Variants in ADD1 observed in about 807,000 individuals in gnomAD.
The protein encoded by ADD1 is alpha-adducin.
Under a neutral mutation model 80.5 loss-of-function variants are expected in ADD1, and 24 were observed. The ratio of observed to expected loss-of-function variants is 0.30; its 90% confidence interval spans 0.22 to 0.42. ADD1 has a LOEUF of 0.42. ADD1 is among the 10% of genes least tolerant of loss of function. The pLI is 1.00. For synonymous variants in ADD1, 373 were observed against 393.8 expected, an observed-to-expected ratio of 0.95 and a Z score of 0.63; for missense variants, 948 against 1,019.0, an observed-to-expected ratio of 0.93 and a Z score of 0.95.
At chr4:2,885,830 T>C (rs905369751) in intron 4 of ADD1, among the ~76,000 whole-genome samples, 4 of 152,100 alleles carry the variant, frequency 2.6e-5, no homozygotes, top group Non-Finnish European at 5.9e-5. Flanking sequence ...CAGGATGGTC[T>C]CGATCTCCTG....
rs1734754464 is a variant in ADD1 at position 2,894,087 on chromosome 4, C to T, written c.585C>T (p.Ser195=). The T allele has an allele frequency of 1.9e-6, 3 of 1,613,368 alleles. No individual in the cohort carries two copies. Among genetic ancestry groups the T allele is most frequent in the Admixed American group, 1.7e-5 (1 of 59,994 alleles). Residue 195 remains serine, a synonymous_variant, in exon 5 of 16, where the codon TCC becomes TCT. Coordinates refer to ENST00000683351, the MANE Select transcript of ADD1 (RefSeq NM_001354761.2). ...TTCTTTACAGTGAAGTGACTGCATC[C>T]AGTTTGGTAAGAATGTCCTTCTCTT... The part of the protein sequence containing the change: ...FGLLYSEVTA[S]SLVKINLQGD...
chr4:2,884,729 C>G lies in ADD1; in HGVS notation c.510+63C>G, dbSNP rs1732966434. 7 of 1,485,942 alleles carry G rather than the reference C, an allele frequency of 4.7e-6. No individual in the cohort carries two copies. In the South Asian group the frequency reaches 8.3e-5, roughly 18 times the overall value. 92.0% of individuals were successfully genotyped at this position (1,485,942 alleles called of 1,614,324 possible). A position where few individuals can be genotyped will look rare whatever the true frequency, so the allele number is the denominator to read the frequency against. ...AAATATTTTGTGTCTGGCACCACCT[C>G]TTTCCATTTAGGAGAAGAGGGAAGC... is the stretch of plus-strand genomic sequence containing the variant. On this transcript the variant is annotated intron_variant, in intron 4 of 15. Coordinates refer to ENST00000683351, the MANE Select transcript of ADD1 (RefSeq NM_001354761.2).
At chr4:2,885,812 G>C (rs9761159) in intron 4 of ADD1, among the ~76,000 whole-genome samples, 2 of 150,526 alleles carry the variant, frequency 1.3e-5, no homozygotes, top group Non-Finnish European at 3.0e-5. Flanking sequence ...GGGTTTCACC[G>C]TGTTAGCCAG....
intron 1 of ADD1, among the ~76,000 whole-genome samples, chr4:2,871,230 C>G (rs1018268311): frequency 1.3e-5 from 2 of 152,098 alleles, no homozygotes; most frequent in African/African-American, 4.8e-5. Context: ...CTCGGCCTCC[C>G]AAAGTGCTGT....
chr4:2,926,548 CCCTG>C lies in ADD1; in HGVS notation c.2047+440_2047+443del, dbSNP rs895543552. Reference sequence around the variant, plus strand: ...TCCATGTCTCTCGTGAAGCCCGTGGCCCTGCCTTTCTTCTTCTGTAACCTGATGG... The same window carrying C: ...TCCATGTCTCTCGTGAAGCCCGTGGCCCTTTCTTCTTCTGTAACCTGATGG... On this transcript the variant is annotated intron_variant, in intron 15 of 15. Coordinates refer to ENST00000683351, the MANE Select transcript of ADD1 (RefSeq NM_001354761.2). The surrounding 1 kb of genome is among the most constrained non-coding windows in gnomAD (Gnocchi z 5.0). The C allele has an allele frequency of 3.8e-5, 53 of 1,393,352 alleles. No individual in the cohort carries two copies. The highest frequency in any genetic ancestry group is 5.1e-5 in the Non-Finnish European group (51 of 995,962). The allele number at this position is 1,393,352 out of a possible 1,614,324, so 86.3% of individuals were successfully genotyped here.
chr4:2,899,548 C>A, intron 9 of ADD1, 113 bp downstream of exon 9: 1 of 1,168,368 alleles, frequency 8.6e-7, no homozygotes, highest in Non-Finnish European at 1.3e-6. Context: ...AATACCTTCA[C>A]CTTCAAAGTC....
chr4:2,875,908 A>T lies in ADD1; in HGVS notation c.-8A>T. On this transcript the variant is annotated 5_prime_UTR_variant, in exon 2 of 16. Transcript: ENST00000683351. ...TTTGATTCTGTAGGAACCTAGAAAGATTGTACAATGAATGGTGATTCTCGT... is the reference window on the plus strand; with the variant it reads ...TTTGATTCTGTAGGAACCTAGAAAGTTTGTACAATGAATGGTGATTCTCGT... The T allele has an allele frequency of 6.3e-7, 1 of 1,581,534 alleles. No homozygotes were observed. Among genetic ancestry groups the T allele is most frequent in the East Asian group, 2.3e-5 (1 of 44,434 alleles).
chr4:2,894,470 C>T (rs188867860), intron 5 of ADD1, 112 bp from the exon 6 acceptor site: 18 of 942,778 alleles, frequency 1.9e-5, no homozygotes, highest in East Asian at 2.8e-5. Context: ...GAGGTCGCAC[C>T]ACTGCACTCC....
intron 4 of ADD1, among the ~76,000 whole-genome samples, chr4:2,891,660 A>T (rs1245430303): frequency 1.3e-5 from 2 of 152,128 alleles, no homozygotes; most frequent in African/African-American, 2.4e-5. Context: ...TGCGAGCTTT[A>T]TTGTAGACAC....
intron 1 of ADD1, among the ~76,000 whole-genome samples, chr4:2,869,458 C>G (rs1321117858): frequency 5.3e-5 from 8 of 152,180 alleles, no homozygotes; most frequent in Admixed American, 5.2e-4. Flanking sequence ...TTAGGTCTGC[C>G]TTGTGGACCC....
chr4:2,850,339 C>T (rs961365178), intron 1 of ADD1, among the ~76,000 whole-genome samples: 8 of 152,172 alleles, frequency 5.3e-5, no homozygotes, highest in Non-Finnish European at 1.0e-4. Flanking sequence ...GCGATCTTGG[C>T]TCACTGCAAC....
chr4:2,848,400 T>C (rs1726570062), intron 1 of ADD1, among the ~76,000 whole-genome samples: 1 of 152,168 alleles, frequency 6.6e-6, no homozygotes, highest in South Asian at 2.1e-4. Context: ...TTTAAACAGT[T>C]GTTATAACTA....
At chr4:2,887,909 C>G (rs186892584) in intron 4 of ADD1, among the ~76,000 whole-genome samples, 9 of 152,236 alleles carry the variant, frequency 5.9e-5, no homozygotes, top group Admixed American at 5.9e-4. Context: ...TAATTTTGCA[C>G]TTTCTCCTTT....
intron 11 of ADD1, 27 bp from the exon 12 acceptor site, chr4:2,908,488 A>ATG: frequency 6.2e-7 from 1 of 1,600,402 alleles, no homozygotes; most frequent in Non-Finnish European, 8.6e-7. Flanking sequence ...AGGACTGTTG[A>ATG]TGTGTGCCTC....
chr4:2,911,083 C>T (rs1577684681), intron 13 of ADD1, among the ~76,000 whole-genome samples: 1 of 152,150 alleles, frequency 6.6e-6, no homozygotes, highest in African/African-American at 2.4e-5. Context: ...CAGTCTTGCT[C>T]CTTTTGGAAC....
intron 1 of ADD1, among the ~76,000 whole-genome samples, chr4:2,845,839 A>G (rs1237466700): frequency 6.6e-6 from 1 of 152,246 alleles, no homozygotes; most frequent in African/African-American, 2.4e-5. Context: ...GAAAGATAAC[A>G]AAATATTTAC....
chr4:2,895,669 C>G (rs1476479781), intron 6 of ADD1, among the ~76,000 whole-genome samples: 9 of 152,102 alleles, frequency 5.9e-5, no homozygotes, highest in African/African-American at 2.2e-4. Context: ...CTCAGGAACC[C>G]TCCTCCTCAG....
intron 14 of ADD1, among the ~76,000 whole-genome samples, chr4:2,916,651 A>G (rs1032589044): frequency 2.0e-5 from 3 of 152,130 alleles, no homozygotes; most frequent in African/African-American, 7.2e-5. Context: ...CCCATCATCT[A>G]CATTAGGTAT....
chr4:2,845,569 G>T (rs1279323256), intron 1 of ADD1, among the ~76,000 whole-genome samples: 1 of 152,182 alleles, frequency 6.6e-6, no homozygotes, highest in Non-Finnish European at 1.5e-5. Context: ...AAGTTTCGGA[G>T]AGTCGCTGAG....
Sources: gnomAD v4.1 joint callset for allele counts (sites outside exome capture counted in the v4.1 genomes callset) on GRCh38, gnomAD v4.1.1 for gene constraint, Gnocchi (gnomAD v3.1) non-coding constraint, MANE v1.5 for transcripts, NCBI Gene and HGNC (gene_info 2026-07-23, HGNC 2026-07-21) for gene names.